The following MTCL1 variants were observed in gnomAD, a reference collection of about 807,000 sequenced individuals.
MTCL1 encodes microtubule crosslinking factor 1.
A neutral mutation model predicts 141.4 loss-of-function variants in MTCL1; 79 were observed. The observed-to-expected ratio is 0.56, with a 90% CI of 0.47 to 0.67. The LOEUF (loss-of-function observed/expected upper bound fraction) is 0.67, where lower values mean the gene tolerates loss of function less well. Ranked by LOEUF, MTCL1 falls within the 30% of genes least tolerant of loss-of-function variation. The pLI, the probability that MTCL1 is intolerant of heterozygous loss-of-function variation, is 0.00. For synonymous variants in MTCL1, 914 were observed against 875.8 expected, an observed-to-expected ratio of 1.04 and a Z score of -0.77; for missense variants, 2,177 against 2,113.9, an observed-to-expected ratio of 1.03 and a Z score of -0.59.
chr18:8,793,505 A>G (rs2075809408), intron 8 of MTCL1, among the ~76,000 whole-genome samples: 2 of 152,206 alleles, frequency 1.3e-5, no homozygotes, highest in African/African-American at 4.8e-5. Flanking sequence ...ACCTCACCCT[A>G]AACCATTGCC....
chr18:8,733,501 G>T (rs560190955), intron 4 of MTCL1, among the ~76,000 whole-genome samples: 1 of 152,248 alleles, frequency 6.6e-6, no homozygotes, highest in African/African-American at 2.4e-5. Flanking sequence ...TGCCTCCTGG[G>T]TTCAAGCGAT....
In MTCL1 at chr18:8,830,682, CT is replaced by C; in HGVS notation, c.*19-923del. On this transcript the variant is annotated intron_variant, in intron 16 of 16. Transcript: ENST00000359865. The surrounding 1 kb of genome is among the most constrained non-coding windows in gnomAD (Gnocchi z 6.4). The stretch of plus-strand genomic sequence containing the variant: ...TGCCTTCCATTCAGTTCACCTCAAG[CT>C]TCCAGTGTCTGAGTGTCATTCCAGC... 1.0e-6 allele frequency: 1 copy of C among 985,514 alleles called. No individual in the cohort carries two copies. Among genetic ancestry groups the C allele is most frequent in the African/African-American group, 1.7e-5 (1 of 57,376 alleles). 61.0% of individuals were successfully genotyped at this position (985,514 alleles called of 1,614,324 possible). A position where few individuals can be genotyped will look rare whatever the true frequency, so the allele number is the denominator to read the frequency against.
chr18:8,789,734 A>T (rs2075652560), intron 7 of MTCL1: 1 of 984,106 alleles, frequency 1.0e-6, no homozygotes, highest in Admixed American at 6.1e-5. Flanking sequence ...TAAGTGAACA[A>T]AAAAAGGGTT....
At chr18:8,763,302 A>G (rs953774016) in intron 4 of MTCL1, among the ~76,000 whole-genome samples, 5 of 152,260 alleles carry the variant, frequency 3.3e-5, no homozygotes, top group African/African-American at 1.2e-4. Flanking sequence ...TGGGGCAGGA[A>G]TGAGGCCTGC....
At chr18:8,825,379 C>T (rs765410782) in exon 15 of MTCL1, 3 of 1,538,326 alleles carry the variant, frequency 2.0e-6, no homozygotes, top group Non-Finnish European at 8.8e-7. Flanking sequence ...GTGGCCTTCT[C>T]TGTCAGGAAT....
intron 1 of MTCL1, 57 bp downstream of exon 1, chr18:8,706,770 G>A (rs1598335378): frequency 6.5e-7 from 1 of 1,535,128 alleles, no homozygotes; most frequent in South Asian, 1.2e-5. Flanking sequence ...CCTGGCTGCG[G>A]CGGGGACCCG....
At chr18:8,784,567 G>A (rs1430249887) in exon 6 of MTCL1, 1 of 1,609,598 alleles carries the variant, frequency 6.2e-7, no homozygotes, top group Non-Finnish European at 8.5e-7. Flanking sequence ...CGGGGCTGCG[G>A]GGTGGTGCGC....
intron 12 of MTCL1, among the ~76,000 whole-genome samples, chr18:8,815,716 A>G (rs2076633905): frequency 6.6e-6 from 1 of 152,112 alleles, no homozygotes; most frequent in Admixed American, 6.5e-5. Context: ...ATATTTTGGA[A>G]AGGTAATAGT....
intron 4 of MTCL1, among the ~76,000 whole-genome samples, chr18:8,737,203 T>C (rs948575780): frequency 2.6e-5 from 4 of 152,214 alleles, no homozygotes; most frequent in African/African-American, 9.6e-5. Context: ...CTCTTCACTT[T>C]CATCTTCAAA....
At chr18:8,724,756 G>T (rs1033690083) in intron 4 of MTCL1, among the ~76,000 whole-genome samples, 2 of 152,118 alleles carry the variant, frequency 1.3e-5, no homozygotes, top group African/African-American at 4.8e-5. Context: ...TGATGACTAG[G>T]ACTGTGTGCT....
At chr18:8,809,618 A>G in intron 11 of MTCL1, 1 of 1,530,362 alleles carries the variant, frequency 6.5e-7, no homozygotes, top group Non-Finnish European at 8.7e-7. Context: ...TGGAGGGCAC[A>G]CACCTGAAAA....
At chr18:8,708,494 T>A (rs751075522) in intron 1 of MTCL1, among the ~76,000 whole-genome samples, 19 of 152,164 alleles carry the variant, frequency 1.2e-4, no homozygotes, top group Non-Finnish European at 2.6e-4. Context: ...CAGACGGAGA[T>A]GCTGAGAACC....
intron 4 of MTCL1, among the ~76,000 whole-genome samples, chr18:8,723,770 T>C (rs1448924495): frequency 2.0e-5 from 3 of 152,218 alleles, no homozygotes; most frequent in African/African-American, 7.2e-5. Context: ...CTTAACCCTC[T>C]TCTCCCTTCT....
chr18:8,746,034 T>C (rs553840977), intron 4 of MTCL1, among the ~76,000 whole-genome samples: 1 of 152,382 alleles, frequency 6.6e-6, no homozygotes, highest in Admixed American at 6.5e-5. Context: ...CATAATGTCC[T>C]GAATCCATGC....
At chr18:8,770,771 A>G (rs992548549) in intron 4 of MTCL1, among the ~76,000 whole-genome samples, 1 of 152,170 alleles carries the variant, frequency 6.6e-6, no homozygotes, top group African/African-American at 2.4e-5. Context: ...TAACAAGGCC[A>G]AGGAGAAAGG....
exon 1 of MTCL1, chr18:8,706,474 G>T: frequency 7.9e-7 from 1 of 1,265,018 alleles, no homozygotes; most frequent in Non-Finnish European, 9.9e-7. Context: ...GCTCCTCGCC[G>T]CGCCCCTCGC....
intron 4 of MTCL1, among the ~76,000 whole-genome samples, chr18:8,735,410 T>A (rs2096270342): frequency 6.6e-6 from 1 of 152,196 alleles, no homozygotes; most frequent in African/African-American, 2.4e-5. Context: ...TCTGGGTCAC[T>A]GGCAGATGGA....
intron 4 of MTCL1, among the ~76,000 whole-genome samples, chr18:8,746,329 A>C (rs2096337799): frequency 6.6e-6 from 1 of 152,218 alleles, no homozygotes; most frequent in African/African-American, 2.4e-5. Context: ...TCCACATGGC[A>C]GCACCGTTTT....
intron 4 of MTCL1, among the ~76,000 whole-genome samples, chr18:8,722,790 G>C (rs2096182169): frequency 6.6e-6 from 1 of 152,082 alleles, no homozygotes; most frequent in South Asian, 2.1e-4. Context: ...GTCAACTGTA[G>C]AACTATATTT....
Sources: allele counts gnomAD v4.1 joint callset (sites outside exome capture counted in the v4.1 genomes callset), GRCh38; gene constraint gnomAD v4.1.1; non-coding constraint Gnocchi (gnomAD v3.1); transcripts MANE v1.5; gene names NCBI Gene and HGNC (gene_info 2026-07-23, HGNC 2026-07-21).